The following SGCE variants were observed in gnomAD, a reference collection of about 807,000 sequenced individuals.
SGCE encodes epsilon-sarcoglycan.
A neutral mutation model predicts 57.8 loss-of-function variants in SGCE; 26 were observed. The ratio of observed to expected loss-of-function variants is 0.45; its 90% confidence interval spans 0.33 to 0.62. The LOEUF (loss-of-function observed/expected upper bound fraction) is 0.62. SGCE is among the 20% of genes least tolerant of loss of function. The pLI is 0.02. For synonymous variants in SGCE, 183 were observed against 189.5 expected, an observed-to-expected ratio of 0.97 and a Z score of 0.28; for missense variants, 468 against 548.6, an observed-to-expected ratio of 0.85 and a Z score of 1.47.
At chr7:94,655,822 G>A (rs1359276890) in intron 1 of SGCE, among the ~76,000 whole-genome samples, 168 bp downstream of exon 1, 1 of 152,118 alleles carries the variant, frequency 6.6e-6, no homozygotes, top group African/African-American at 2.4e-5. Context: ...AAGCTGGGCC[G>A]GGGAAATGGG....
At chr7:94,651,936 TA>T (rs199992097) in intron 1 of SGCE, among the ~76,000 whole-genome samples, 15 of 148,422 alleles carry the variant, frequency 1.0e-4, no homozygotes, top group African/African-American at 2.2e-4. Context: ...TCTTCTTTAT[TA>T]TTTTTTTTTT....
chr7:94,600,565 G>A, intron 7 of SGCE, 81 bp downstream of exon 7: 1 of 1,030,812 alleles, frequency 9.7e-7, no homozygotes, highest in Non-Finnish European at 1.5e-6. Flanking sequence ...TGAACCAAAT[G>A]AAACTTTGCT....
chr7:94,653,743 G>A (rs933576104), intron 1 of SGCE, among the ~76,000 whole-genome samples: 2 of 151,774 alleles, frequency 1.3e-5, no homozygotes, highest in African/African-American at 4.8e-5. Context: ...TAAGCAAAGT[G>A]AAAATATTTT....
At chr7:94,587,650 A>T in intron 10 of SGCE, 1 of 1,478,430 alleles carries the variant, frequency 6.8e-7, no homozygotes, top group Non-Finnish European at 8.9e-7. Flanking sequence ...GCACCAACAC[A>T]TCAATATATT....
chr7:94,628,406 C>G, intron 2 of SGCE, 47 bp from the exon 3 acceptor site: 2 of 1,494,790 alleles, frequency 1.3e-6, no homozygotes, highest in South Asian at 2.3e-5. Flanking sequence ...TATTTTCACA[C>G]ATGTTGCTTT....
chr7:94,649,392 G>A (rs1807564980), intron 1 of SGCE, among the ~76,000 whole-genome samples: 1 of 152,082 alleles, frequency 6.6e-6, no homozygotes, highest in Non-Finnish European at 1.5e-5. Flanking sequence ...ATTTCCCAAG[G>A]TAACATCTTT....
At chr7:94,646,620 G>A (rs1293362719) in intron 1 of SGCE, among the ~76,000 whole-genome samples, 1 of 152,264 alleles carries the variant, frequency 6.6e-6, no homozygotes, top group East Asian at 1.9e-4. Context: ...ATACAAAACA[G>A]TATACAGGCA....
At chr7:94,598,081 G>A (rs1798681669) in intron 9 of SGCE, 1 of 156,198 alleles carries the variant, frequency 6.4e-6, no homozygotes, top group Non-Finnish European at 1.4e-5. Flanking sequence ...ATATAAAAAT[G>A]TGGCCACTAG....
At chr7:94,593,899 C>G (rs1281773625) in intron 9 of SGCE, among the ~76,000 whole-genome samples, 2 of 152,024 alleles carry the variant, frequency 1.3e-5, no homozygotes, top group East Asian at 3.9e-4. Flanking sequence ...ATTATTAAGC[C>G]AGGAATTCTC....
At chr7:94,618,671 T>TA (rs1277695686) in intron 5 of SGCE, 87 bp downstream of exon 5, 78 of 1,089,184 alleles carry the variant, frequency 7.2e-5, no homozygotes, top group Non-Finnish European at 1.0e-4. Context: ...AAAAATGCAA[T>TA]AGGCCATCTT....
chr7:94,648,025 T>C (rs1231622760), intron 1 of SGCE, among the ~76,000 whole-genome samples: 2 of 152,230 alleles, frequency 1.3e-5, no homozygotes, highest in Non-Finnish European at 2.9e-5. Context: ...GTGTATTCCC[T>C]AGCATCCAGC....
intron 1 of SGCE, among the ~76,000 whole-genome samples, chr7:94,638,191 C>A (rs1412752846): frequency 6.6e-6 from 1 of 152,164 alleles, no homozygotes; most frequent in Admixed American, 6.5e-5. Flanking sequence ...GTGATCTTTT[C>A]ATGAGAAGTT....
chr7:94,587,205 G>C, intron 10 of SGCE: 2 of 985,346 alleles, frequency 2.0e-6, no homozygotes, highest in Non-Finnish European at 2.4e-6. Flanking sequence ...GAAGTGCTCT[G>C]TATTACTAAA....
chr7:94,586,081 A>T (rs903923950), intron 10 of SGCE, among the ~76,000 whole-genome samples: 11 of 150,568 alleles, frequency 7.3e-5, no homozygotes, highest in Non-Finnish European at 1.3e-4. Context: ...AAAAAAAAAA[A>T]AAAAAACAAC....
intron 1 of SGCE, chr7:94,639,373 A>T: frequency 6.5e-7 from 1 of 1,535,290 alleles, no homozygotes; most frequent in Non-Finnish European, 8.7e-7. Context: ...TTTTCTGCTG[A>T]TAATAAAATT....
intron 5 of SGCE, among the ~76,000 whole-genome samples, chr7:94,605,047 A>G (rs928372416): frequency 2.6e-5 from 4 of 151,626 alleles, no homozygotes; most frequent in African/African-American, 7.3e-5. Context: ...ATATTACTAA[A>G]GATCTACTTA....
chr7:94,651,998 A>C (rs924526859), intron 1 of SGCE, among the ~76,000 whole-genome samples: 3 of 151,586 alleles, frequency 2.0e-5, no homozygotes, highest in Non-Finnish European at 4.4e-5. Flanking sequence ...AATCAGGGAG[A>C]TAACAGACTG....
intron 3 of SGCE, chr7:94,624,324 A>G (rs1228834415): frequency 2.5e-6 from 1 of 397,650 alleles, no homozygotes; most frequent in Non-Finnish European, 4.4e-6. Flanking sequence ...CAAATATCAA[A>G]GATTTTTATA....
chr7:94,587,623 T>C, intron 10 of SGCE: 1 of 1,424,628 alleles, frequency 7.0e-7, no homozygotes, highest in South Asian at 1.6e-5. Context: ...ATCAATCTCC[T>C]GAATGCTTAC....
Sources: allele counts gnomAD v4.1 joint callset (sites outside exome capture counted in the v4.1 genomes callset), GRCh38; gene constraint gnomAD v4.1.1; transcripts MANE v1.5; gene names NCBI Gene and HGNC (gene_info 2026-07-23, HGNC 2026-07-21).